PCDH15: variants seen among roughly 807,000 people sequenced by gnomAD.
The protein encoded by PCDH15 is protocadherin related 15, also known as protocadherin-15.
Under a neutral mutation model 178.5 loss-of-function variants are expected in PCDH15, and 129 were observed. That is an observed-to-expected ratio of 0.72 (90% CI 0.63 to 0.84). The LOEUF (loss-of-function observed/expected upper bound fraction) is 0.84, where lower values mean the gene tolerates loss of function less well. PCDH15 is among the 40% of genes least tolerant of loss of function. The pLI is 0.00. For synonymous variants in PCDH15, 800 were observed against 732.0 expected, an observed-to-expected ratio of 1.09 and a Z score of -1.50; for missense variants, 2,230 against 2,099.9, an observed-to-expected ratio of 1.06 and a Z score of -1.21.
At chr10:55,075,466 A>G (rs1483203383) in intron 2 of PCDH15, among the ~76,000 whole-genome samples, 2 of 151,330 alleles carry the variant, frequency 1.3e-5, no homozygotes, top group African/African-American at 4.9e-5. Context: ...CCCGGGTTCA[A>G]GCGATTCCCC....
intron 2 of PCDH15, among the ~76,000 whole-genome samples, chr10:54,615,121 A>G (rs751269996): frequency 2.0e-5 from 3 of 152,088 alleles, no homozygotes; most frequent in Non-Finnish European, 4.4e-5. Flanking sequence ...GGTAGCTATT[A>G]CCTAAAATAA....
intron 1 of PCDH15, among the ~76,000 whole-genome samples, chr10:55,214,925 C>T (rs1256990322): frequency 6.6e-6 from 1 of 152,100 alleles, no homozygotes. Flanking sequence ...AATGGTAGTG[C>T]TTCTGGCTAT....
chr10:54,570,058 CTGTG>C (rs1249873335), intron 2 of PCDH15, among the ~76,000 whole-genome samples: 8 of 134,686 alleles, frequency 5.9e-5, no homozygotes, highest in African/African-American at 2.2e-4. Flanking sequence ...GTGTGTGTGT[CTGTG>C]TGTGTGTGTG....
Position 55,354,140 on chromosome 10 carries a change from A to G in PCDH15, c.-155-187489T>C, listed in dbSNP as rs573057556. Among the ~76,000 whole-genome samples, 6 of 152,202 alleles carry G rather than the reference A, an allele frequency of 3.9e-5. No homozygotes were observed. The South Asian group carries it at 1.2e-3, about 32-fold the overall frequency. ...ATTCCAAAATATCACTGAGTAAAGTAAAACAATGAGACATACAATGGTAAT... is the reference window on the plus strand; with the variant it reads ...ATTCCAAAATATCACTGAGTAAAGTGAAACAATGAGACATACAATGGTAAT... On this transcript the variant is annotated intron_variant, in intron 2 of 5. Transcript: ENST00000613346.
At chr10:55,421,426 T>C (rs35548789) in intron 2 of PCDH15, among the ~76,000 whole-genome samples, 2 of 148,606 alleles carry the variant, frequency 1.3e-5, no homozygotes, top group South Asian at 2.1e-4. Context: ...TATATATTTG[T>C]ATATAAATTT....
At chr10:54,008,876 A>T (rs987781254) in intron 20 of PCDH15, among the ~76,000 whole-genome samples, 4 of 152,218 alleles carry the variant, frequency 2.6e-5, no homozygotes, top group Non-Finnish European at 5.9e-5. Context: ...TATTTAGTCT[A>T]TATAGATCAC....
intron 1 of PCDH15, among the ~76,000 whole-genome samples, chr10:54,739,562 GAA>G (rs59307786): frequency 4.4e-5 from 5 of 114,610 alleles, no homozygotes; most frequent in Non-Finnish European, 3.9e-5. Flanking sequence ...TCACAAAATC[GAA>G]AAAAAAAAAA....
chr10:54,360,233 A>G (rs1945784810), intron 5 of PCDH15, among the ~76,000 whole-genome samples: 1 of 151,948 alleles, frequency 6.6e-6, no homozygotes. Context: ...TGTCTAACCA[A>G]CCACCTGCTT....
At chr10:54,156,362 C>T (rs779572494) in intron 13 of PCDH15, among the ~76,000 whole-genome samples, 8 of 151,978 alleles carry the variant, frequency 5.3e-5, no homozygotes, top group Non-Finnish European at 5.9e-5. Context: ...TGGAATGCCA[C>T]GTGGAATTCC....
intron 15 of PCDH15, among the ~76,000 whole-genome samples, chr10:54,118,585 A>C (rs1450304893): frequency 6.6e-6 from 1 of 152,086 alleles, no homozygotes; most frequent in African/African-American, 2.4e-5. Context: ...GCATGAACCC[A>C]GGAGGCAGAA....
chr10:55,288,273 T>C (rs1215887920), intron 1 of PCDH15, among the ~76,000 whole-genome samples: 1 of 151,060 alleles, frequency 6.6e-6, no homozygotes. Context: ...CGAATAGACA[T>C]GTTCATATTC....
At chr10:54,454,048 A>G (rs1311410907) in intron 3 of PCDH15, among the ~76,000 whole-genome samples, 1 of 149,070 alleles carries the variant, frequency 6.7e-6, no homozygotes, top group Admixed American at 6.7e-5. Context: ...TAAATATAAT[A>G]GAGATTAAAT....
intron 2 of PCDH15, among the ~76,000 whole-genome samples, chr10:55,328,241 T>C (rs549800475): frequency 7.2e-5 from 11 of 151,882 alleles, no homozygotes; most frequent in Non-Finnish European, 1.2e-4. Context: ...ACTATATATA[T>C]ATAGAAATAC....
intron 1 of PCDH15, among the ~76,000 whole-genome samples, chr10:54,755,613 A>T (rs1946965104): frequency 6.6e-6 from 1 of 152,168 alleles, no homozygotes; most frequent in Non-Finnish European, 1.5e-5. Context: ...ATGATAAAAT[A>T]AAGATACTAG....
Position 53,811,557 on chromosome 10 carries a change from A to G in PCDH15, c.4554T>C (p.Tyr1518=). 6.4e-7 allele frequency: 1 copy of G among 1,556,874 alleles called. No individual in the cohort carries two copies. Among genetic ancestry groups the G allele is most frequent in the Non-Finnish European group, 8.7e-7 (1 of 1,149,144 alleles). ...GQEYGQDYYS[Y]EHGYEMPQYG... The stretch of plus-strand genomic sequence containing the variant: ...AAAATCTGAAGATGTACCCATGCTC[A>G]TAACTGTAATAATCTTGTCCATATT... The change falls in exon 36 of 38, where the codon TAT becomes TAC. Residue 1518 remains tyrosine (Y), a synonymous_variant. Transcript: ENST00000644397.
In PCDH15 at chr10:54,022,967, A is replaced by T. The variant is rs1220380588; in HGVS notation, c.2451T>A (p.Pro817=). 1.2e-6 allele frequency: 2 copies of T among 1,613,836 alleles called. No homozygotes were observed. Among genetic ancestry groups the T allele is most frequent in the Admixed American group, 3.3e-5 (2 of 59,972 alleles). Residue 817 remains proline, a synonymous_variant, in exon 19 of 38, where the codon CCT becomes CCA. Coordinates refer to ENST00000644397, the MANE Select transcript of PCDH15 (RefSeq NM_001384140.1). ...IKVLDIDDNS[P]VFTNSTYTVL... ...CAGTGTATGTTGAATTGGTGAACAC[A>T]GGACTGTTATCATCAATGTCCAAAA...
intron 22 of PCDH15, among the ~76,000 whole-genome samples, chr10:53,960,867 G>A (rs568959093): frequency 2.6e-5 from 4 of 152,236 alleles, no homozygotes; most frequent in East Asian, 3.9e-4. Context: ...TATTCACAGT[G>A]ACAAAAATTA....
In PCDH15 at chr10:53,893,233, A is replaced by G. The variant is rs555351251; in HGVS notation, c.3501+10010T>C. 1.9e-4 allele frequency among the ~76,000 whole-genome samples: 29 copies of G among 152,348 alleles called. 1 individual carries two copies. In the South Asian group the frequency reaches 5.6e-3, roughly 29 times the overall value. ...CACCAGTGAGGCTAAATAAATGTAAAACTATGATACATGGATAACATTCAT... is the reference window on the plus strand; with the variant it reads ...CACCAGTGAGGCTAAATAAATGTAAGACTATGATACATGGATAACATTCAT... On this transcript the variant is annotated intron_variant, in intron 26 of 37. Transcript: ENST00000644397.
At chr10:54,009,522 A>G (rs2092501880) in intron 20 of PCDH15, among the ~76,000 whole-genome samples, 1 of 152,182 alleles carries the variant, frequency 6.6e-6, no homozygotes, top group Admixed American at 6.5e-5. Context: ...GGGCCAAGAG[A>G]ACTAACTAGA....
Sources: allele counts gnomAD v4.1 joint callset (sites outside exome capture counted in the v4.1 genomes callset), GRCh38; gene constraint gnomAD v4.1.1; transcripts MANE v1.5; gene names NCBI Gene and HGNC (gene_info 2026-07-23, HGNC 2026-07-21).